KLHL31: variants seen among roughly 807,000 people sequenced by gnomAD.
The protein encoded by KLHL31 is kelch-like protein 31.
In KLHL31, 32 loss-of-function variants were observed where a neutral mutation model predicts 47.1. The observed-to-expected ratio is 0.68, with a 90% CI of 0.51 to 0.91. The LOEUF is 0.91. Ranked by LOEUF, KLHL31 falls within the 40% of genes least tolerant of loss-of-function variation. KLHL31 has a pLI of 0.00. For synonymous variants in KLHL31, 330 were observed against 325.1 expected (o/e 1.01, Z -0.16); for missense variants, 797 against 819.3 (o/e 0.97, Z 0.33).
At chr6:53,664,297 G>A (rs1474975500) in intron 1 of KLHL31, among the ~76,000 whole-genome samples, 2 of 152,224 alleles carry the variant, frequency 1.3e-5, no homozygotes, top group Non-Finnish European at 2.9e-5. Flanking sequence ...AAATTCAAAT[G>A]TAGCTGGATG....
At position 53,651,438 on chromosome 6, in the gene KLHL31, C is replaced by G; in HGVS notation, c.*160G>C. Reference sequence around the variant, plus strand: ...AAAAAAAGAGGTAGATTATGCCATACCAGGAATTTAAAGCCATCAGGACAT... The same window carrying G: ...AAAAAAAGAGGTAGATTATGCCATAGCAGGAATTTAAAGCCATCAGGACAT... On this transcript the variant is annotated 3_prime_UTR_variant, in exon 3 of 3. Transcript: ENST00000370905. 2 of 275,296 alleles carry G rather than the reference C, an allele frequency of 7.3e-6. No individual in the cohort carries two copies. Among genetic ancestry groups the G allele is most frequent in the South Asian group, 4.2e-5 (1 of 23,980 alleles). 17.1% of individuals were successfully genotyped at this position (275,296 alleles called of 1,614,324 possible).
In KLHL31 at chr6:53,649,381, T is replaced by A. The variant is rs1764435459; in HGVS notation, c.*2217A>T. On this transcript the variant is annotated 3_prime_UTR_variant, in exon 3 of 3. Coordinates refer to ENST00000370905, the MANE Select transcript of KLHL31 (RefSeq NM_001003760.5). ...CAAGAGTCTGGTAAGCTCAAATATG[T>A]GGATTTTCTGAGTCTTCAGATAAAC... 6.6e-6 allele frequency: 1 copy of A among 152,174 alleles called. No homozygotes were observed. 9.4% of individuals were successfully genotyped at this position (152,174 alleles called of 1,614,324 possible).
intron 2 of KLHL31, 128 bp from the exon 3 acceptor site, chr6:53,652,458 T>C: frequency 8.9e-7 from 1 of 1,118,294 alleles, no homozygotes; most frequent in Non-Finnish European, 1.3e-6. Flanking sequence ...GCCCAGCACC[T>C]CACCTGGAGG....
intron 1 of KLHL31, among the ~76,000 whole-genome samples, chr6:53,655,694 C>T (rs1364146315): frequency 6.6e-6 from 1 of 151,564 alleles, no homozygotes; most frequent in Non-Finnish European, 1.5e-5. Context: ...GCAACCTCTG[C>T]CTCCCGGGTT....
chr6:53,664,000 C>T (rs1472268030), intron 1 of KLHL31, among the ~76,000 whole-genome samples: 3 of 152,186 alleles, frequency 2.0e-5, no homozygotes, highest in Non-Finnish European at 2.9e-5. Flanking sequence ...CTGACTTTTG[C>T]TGTCAGAATT....
intron 1 of KLHL31, among the ~76,000 whole-genome samples, chr6:53,659,801 G>T (rs375472658): frequency 1.3e-5 from 2 of 152,176 alleles, no homozygotes; most frequent in South Asian, 2.1e-4. Flanking sequence ...TCTCCAGGAA[G>T]AGAGAGTGCA....
chr6:53,659,965 C>T (rs149143981), intron 1 of KLHL31, among the ~76,000 whole-genome samples: 1 of 152,320 alleles, frequency 6.6e-6, no homozygotes, highest in Non-Finnish European at 1.5e-5. Flanking sequence ...GCCTGTTCCA[C>T]CCATGGGAAC....
At chr6:53,660,083 T>C (rs1006865937) in intron 1 of KLHL31, among the ~76,000 whole-genome samples, 1 of 152,080 alleles carries the variant, frequency 6.6e-6, no homozygotes, top group Non-Finnish European at 1.5e-5. Flanking sequence ...AGCTAACCAG[T>C]TAATGGGCAG....
intron 1 of KLHL31, among the ~76,000 whole-genome samples, chr6:53,658,754 A>C (rs1275999647): frequency 6.6e-6 from 1 of 152,206 alleles, no homozygotes; most frequent in Admixed American, 6.5e-5. Flanking sequence ...AAGCCATTTA[A>C]TTTTCAATAC....
In KLHL31 at chr6:53,651,576, G is replaced by C; in HGVS notation, c.*22C>G. ...TACGAATAAATAACGTGTTCTTCCT[G>C]CGTCCCTGCATCTACCTGGGCTCAG... On this transcript the variant is annotated 3_prime_UTR_variant, in exon 3 of 3. Coordinates refer to ENST00000370905, the MANE Select transcript of KLHL31 (RefSeq NM_001003760.5). 1.3e-6 allele frequency: 2 copies of C among 1,592,424 alleles called. No individual in the cohort carries two copies. Among genetic ancestry groups the C allele is most frequent in the Non-Finnish European group, 1.7e-6 (2 of 1,165,730 alleles).
Position 53,651,691 on chromosome 6 carries a change from A to G in KLHL31, c.1812T>C (p.Thr604=). 6.2e-7 allele frequency: 1 copy of G among 1,614,156 alleles called. No individual in the cohort carries two copies. The highest frequency in any genetic ancestry group is 1.1e-5 in the South Asian group (1 of 91,082). The part of the protein sequence containing the change: ...WTEDDELPEA[T]VGVSCCTLSM... The stretch of plus-strand genomic sequence containing the variant: ...AGAGGGTGCAGCAGGACACGCCGAC[A>G]GTGGCCTCGGGTAGCTCGTCGTCCT... Residue 604 remains threonine, a synonymous_variant, in exon 3 of 3, where the codon ACT becomes ACC. Coordinates refer to ENST00000370905, the MANE Select transcript of KLHL31 (RefSeq NM_001003760.5).
At chr6:53,660,280 G>A (rs1420300622) in intron 1 of KLHL31, among the ~76,000 whole-genome samples, 3 of 152,002 alleles carry the variant, frequency 2.0e-5, no homozygotes, top group African/African-American at 4.8e-5. Context: ...CAGTTGTTGG[G>A]TGTAATGTTC....
In KLHL31 at chr6:53,655,181, T is replaced by C; in HGVS notation, c.92A>G (p.Asn31Ser). ...IVEDSPLNKL[N>S]ALNGLLEGGN... is the part of the protein sequence containing the mutation. Reference sequence around the variant, plus strand: ...TCCCTCTAGGAGCCCATTCAAAGCATTCAGTTTGTTTAGGGGGCTATCTTC... The same window carrying C: ...TCCCTCTAGGAGCCCATTCAAAGCACTCAGTTTGTTTAGGGGGCTATCTTC... Residue 31 changes from asparagine (N) to serine (S), a missense_variant, in exon 2 of 3, where the codon AAT (asparagine) becomes AGT (serine). Physicochemically the swap from Asn to Ser is conservative, Grantham distance 46 (BLOSUM62 1). Coordinates refer to ENST00000370905, the MANE Select transcript of KLHL31 (RefSeq NM_001003760.5). 6.2e-7 allele frequency: 1 copy of C among 1,614,036 alleles called. No homozygotes were observed. Among genetic ancestry groups the C allele is most frequent in the Non-Finnish European group, 8.5e-7 (1 of 1,179,938 alleles).
chr6:53,657,608 T>TGTG (rs1554165227), intron 1 of KLHL31, among the ~76,000 whole-genome samples: 12 of 96,326 alleles, frequency 1.2e-4, no homozygotes, highest in Non-Finnish European at 2.2e-5. Flanking sequence ...TTTGTTTTTG[T>TGTG]TTTGTGTGTG....
Position 53,651,451 on chromosome 6 carries a change from G to A in KLHL31, c.*147C>T. 1.4e-5 allele frequency: 5 copies of A among 357,224 alleles called. No homozygotes were observed. The highest frequency in any genetic ancestry group is 5.2e-5 in the Admixed American group (1 of 19,326). 22.1% of individuals were successfully genotyped at this position (357,224 alleles called of 1,614,324 possible). On this transcript the variant is annotated 3_prime_UTR_variant, in exon 3 of 3. Coordinates refer to ENST00000370905, the MANE Select transcript of KLHL31 (RefSeq NM_001003760.5). ...GATTATGCCATACCAGGAATTTAAA[G>A]CCATCAGGACATGTGCCTCGACATA...
In KLHL31 at chr6:53,648,394, T is replaced by C. The variant is rs1764423120; in HGVS notation, c.*3204A>G. Reference sequence around the variant, plus strand: ...AAAAAAATTAATGAGGTGATTTTAGTTTATTTCGTCTCGTAACTTGGATGA... The same window carrying C: ...AAAAAAATTAATGAGGTGATTTTAGCTTATTTCGTCTCGTAACTTGGATGA... On this transcript the variant is annotated 3_prime_UTR_variant, in exon 3 of 3. Transcript: ENST00000370905. 1 of 152,202 alleles carries C rather than the reference T, an allele frequency of 6.6e-6. No homozygotes were observed. The highest frequency in any genetic ancestry group is 1.5e-5 in the Non-Finnish European group (1 of 68,024). 9.4% of individuals were successfully genotyped at this position (152,202 alleles called of 1,614,324 possible).
At position 53,651,838 on chromosome 6, in the gene KLHL31, C is replaced by G; in HGVS notation, c.1665G>C (p.Val555=). The part of the protein sequence containing the change: ...WSYAAPLQVG[V]STAGVSALHG... ...GCAGCGCCGAGACGCCCGCAGTGCTCACTCCCACCTGCAGCGGCGCCGCGT... is the reference window on the plus strand; with the variant it reads ...GCAGCGCCGAGACGCCCGCAGTGCTGACTCCCACCTGCAGCGGCGCCGCGT... The change falls in exon 3 of 3, where the codon GTG becomes GTC. Residue 555 remains valine, a synonymous_variant. Transcript: ENST00000370905. 6.2e-7 allele frequency: 1 copy of G among 1,609,028 alleles called. No homozygotes were observed. Among genetic ancestry groups the G allele is most frequent in the Non-Finnish European group, 8.5e-7 (1 of 1,179,656 alleles).
chr6:53,659,892 C>T (rs918771264), intron 1 of KLHL31, among the ~76,000 whole-genome samples: 4 of 152,204 alleles, frequency 2.6e-5, no homozygotes, highest in Admixed American at 2.6e-4. Context: ...TTGATGGCTT[C>T]TCTTTCCTCC....
intron 1 of KLHL31, among the ~76,000 whole-genome samples, chr6:53,661,263 G>T (rs1372224709): frequency 6.6e-6 from 1 of 152,132 alleles, no homozygotes; most frequent in East Asian, 1.9e-4. Context: ...GAAAAGACTA[G>T]CTCCCTCTTT....
Sources: allele counts gnomAD v4.1 joint callset (sites outside exome capture counted in the v4.1 genomes callset), GRCh38; gene constraint gnomAD v4.1.1; transcripts MANE v1.5; gene names NCBI Gene and HGNC (gene_info 2026-07-23, HGNC 2026-07-21).